The following UTRN variants were observed in gnomAD, a reference collection of about 807,000 sequenced individuals.
UTRN encodes the protein utrophin, also known as dystrophin-related protein 1.
UTRN carries 283 observed loss-of-function variants against 463.9 expected under a neutral mutation model. That is an observed-to-expected ratio of 0.61 (90% CI 0.55 to 0.67). The LOEUF is 0.67. Among genes scored for constraint, UTRN ranks in the 30% least tolerant of loss-of-function variants. UTRN has a pLI of 0.00. For synonymous variants in UTRN, 1,442 were observed against 1,431.5 expected (o/e 1.01, Z -0.17); for missense variants, 3,922 against 4,084.3 (o/e 0.96, Z 1.08).
intron 58 of UTRN, among the ~76,000 whole-genome samples, chr6:144,764,645 G>A (rs886834953): frequency 6.6e-6 from 1 of 152,056 alleles, no homozygotes; most frequent in African/African-American, 2.4e-5. Flanking sequence ...TTTTAAAACT[G>A]CCATTGCAAT....
intron 13 of UTRN, 74 bp downstream of exon 13, chr6:144,440,545 T>G (rs1787049577): frequency 1.3e-6 from 2 of 1,578,382 alleles, no homozygotes; most frequent in Non-Finnish European, 1.7e-6. Flanking sequence ...GCCCTTGTTC[T>G]TCATGTCCTT....
chr6:144,529,857 T>A (rs12209699), intron 41 of UTRN, among the ~76,000 whole-genome samples: 1 of 152,028 alleles, frequency 6.6e-6, no homozygotes, highest in African/African-American at 2.4e-5. Flanking sequence ...GCTCCATTAC[T>A]CTTAAACAAA....
chr6:144,383,912 T>C (rs1781164984), intron 2 of UTRN, among the ~76,000 whole-genome samples: 1 of 152,110 alleles, frequency 6.6e-6, no homozygotes, highest in African/African-American at 2.4e-5. Flanking sequence ...AAAGACAAAA[T>C]TGGAACCAAG....
chr6:144,436,474 T>C (rs1786541532), intron 10 of UTRN, among the ~76,000 whole-genome samples: 1 of 152,138 alleles, frequency 6.6e-6, no homozygotes, highest in Non-Finnish European at 1.5e-5. Flanking sequence ...AAGATTTGAG[T>C]GTTCCCTAGG....
chr6:144,492,526 T>G (rs6935011), intron 32 of UTRN, among the ~76,000 whole-genome samples: 2 of 152,052 alleles, frequency 1.3e-5, no homozygotes, highest in African/African-American at 4.8e-5. Flanking sequence ...CCTCCTTTAC[T>G]TATATACCCA....
At chr6:144,828,726 G>T (rs1778511744) in intron 68 of UTRN, 64 bp from the exon 69 acceptor site, 4 of 1,439,922 alleles carry the variant, frequency 2.8e-6, no homozygotes, top group Non-Finnish European at 9.8e-7. Flanking sequence ...GATTAAGGAT[G>T]TACGTCCAAT....
intron 2 of UTRN, among the ~76,000 whole-genome samples, chr6:144,362,053 A>T (rs1290138356): frequency 6.6e-6 from 1 of 152,202 alleles, no homozygotes; most frequent in East Asian, 1.9e-4. Flanking sequence ...CAAAAAAAGG[A>T]GTAAAATAGA....
chr6:144,389,158 A>G (rs1781680608), intron 2 of UTRN, among the ~76,000 whole-genome samples: 1 of 152,214 alleles, frequency 6.6e-6, no homozygotes, highest in Non-Finnish European at 1.5e-5. Context: ...GAAAGGCAGG[A>G]CAACTCGAAG....
chr6:144,343,398 A>ACG (rs1777299388), intron 2 of UTRN, among the ~76,000 whole-genome samples: 1 of 149,220 alleles, frequency 6.7e-6, no homozygotes, highest in Non-Finnish European at 1.5e-5. Flanking sequence ...ACACACACAC[A>ACG]CACACACACA....
intron 53 of UTRN, among the ~76,000 whole-genome samples, chr6:144,702,364 A>G (rs1784683181): frequency 6.6e-6 from 1 of 152,214 alleles, no homozygotes; most frequent in African/African-American, 2.4e-5. Context: ...CCTTTAGGTA[A>G]TGAAGATAAT....
intron 51 of UTRN, among the ~76,000 whole-genome samples, chr6:144,591,265 G>C (rs1024256646): frequency 1.3e-5 from 2 of 152,160 alleles, no homozygotes; most frequent in African/African-American, 4.8e-5. Context: ...CCACTGCGAA[G>C]ATGCCATAAA....
At chr6:144,597,256 C>G (rs888561359) in intron 51 of UTRN, among the ~76,000 whole-genome samples, 38 of 135,266 alleles carry the variant, frequency 2.8e-4, no homozygotes, top group African/African-American at 9.4e-4. Context: ...AAAAAAAGTG[C>G]CTTAACTTAC....
At chr6:144,289,070 G>A (rs1221232584) in intron 1 of UTRN, among the ~76,000 whole-genome samples, 1 of 152,318 alleles carries the variant, frequency 6.6e-6, no homozygotes, top group East Asian at 1.9e-4. Context: ...AAAGAGCTGG[G>A]ATTACAGGCA....
intron 12 of UTRN, among the ~76,000 whole-genome samples, chr6:144,439,950 CTT>C (rs1304052805): frequency 2.0e-5 from 3 of 152,302 alleles, no homozygotes; most frequent in African/African-American, 7.2e-5. Flanking sequence ...CTACTTATCT[CTT>C]TATACTGTCC....
At chr6:144,795,377 G>T (rs1442584606) in intron 63 of UTRN, among the ~76,000 whole-genome samples, 1 of 152,126 alleles carries the variant, frequency 6.6e-6, no homozygotes, top group East Asian at 1.9e-4. Context: ...AATCCTTTGG[G>T]TATATACCTA....
intron 51 of UTRN, among the ~76,000 whole-genome samples, chr6:144,648,369 CA>C (rs1295149418): frequency 1.3e-5 from 2 of 152,146 alleles, no homozygotes; most frequent in Non-Finnish European, 2.9e-5. Flanking sequence ...GGAGAGACCT[CA>C]GGGGAAACAC....
At chr6:144,537,553 C>G in intron 43 of UTRN, 29 bp from the exon 44 acceptor site, 4 of 1,462,934 alleles carry the variant, frequency 2.7e-6, no homozygotes, top group South Asian at 3.0e-5. Flanking sequence ...AGTTTTTCCT[C>G]AATATTTTTA....
In UTRN at chr6:144,285,819, C is replaced by G. The variant is rs1803610717; in HGVS notation, c.-95C>G. ...GGCAGGCGAGGAGGCCCGCGGGCAGCAGGTAAGCCCATGCATTATTGAAGC... is the reference window on the plus strand; with the variant it reads ...GGCAGGCGAGGAGGCCCGCGGGCAGGAGGTAAGCCCATGCATTATTGAAGC... On this transcript the variant is annotated splice_region_variant and 5_prime_UTR_variant, in exon 1 of 75. Transcript: ENST00000367545. The G allele has an allele frequency of 6.6e-6, 1 of 152,512 alleles. No individual in the cohort carries two copies. The highest frequency in any genetic ancestry group is 1.5e-5 in the Non-Finnish European group (1 of 68,262). 9.4% of individuals were successfully genotyped at this position (152,512 alleles called of 1,614,324 possible).
intron 58 of UTRN, among the ~76,000 whole-genome samples, chr6:144,763,099 A>G (rs1792896875): frequency 6.6e-6 from 1 of 152,188 alleles, no homozygotes; most frequent in South Asian, 2.1e-4. Flanking sequence ...ACAATGTACA[A>G]TATCACACAA....
Sources: gnomAD v4.1 joint callset for allele counts (sites outside exome capture counted in the v4.1 genomes callset) on GRCh38, gnomAD v4.1.1 for gene constraint, MANE v1.5 for transcripts, NCBI Gene and HGNC (gene_info 2026-07-23, HGNC 2026-07-21) for gene names.